Variants in GNA14 observed in about 807,000 individuals in gnomAD.
GNA14 encodes the protein G protein subunit alpha 14.
In GNA14, 50 loss-of-function variants were observed where a neutral mutation model predicts 42.0. The observed-to-expected ratio is 1.19, with a 90% CI of 0.95 to 1.51. The LOEUF (loss-of-function observed/expected upper bound fraction) is 1.51. GNA14 is among the 40% of genes most tolerant of loss of function. The pLI is 0.00. For missense variants in GNA14, 473 were observed against 446.2 expected, an observed-to-expected ratio of 1.06 and a Z score of -0.54; for synonymous variants, 173 against 163.1, an observed-to-expected ratio of 1.06 and a Z score of -0.46.
intron 2 of GNA14, among the ~76,000 whole-genome samples, chr9:77,501,414 A>C (rs1836968690): frequency 6.6e-6 from 1 of 152,126 alleles, no homozygotes; most frequent in Non-Finnish European, 1.5e-5. Flanking sequence ...ATAGAGTAAT[A>C]CCTCATTGTG....
intron 2 of GNA14, among the ~76,000 whole-genome samples, chr9:77,482,985 T>C (rs557473218): frequency 2.6e-5 from 4 of 152,318 alleles, no homozygotes; most frequent in African/African-American, 9.6e-5. Flanking sequence ...TTTAACTTCT[T>C]TGCCATTGGT....
intron 1 of GNA14, among the ~76,000 whole-genome samples, chr9:77,620,801 TCACA>T (rs1823908457): frequency 8.6e-6 from 1 of 116,300 alleles, no homozygotes. Flanking sequence ...TGAGCCAAGA[TCACA>T]CCACTGCACT....
chr9:77,625,943 A>G (rs1363498345), intron 1 of GNA14, among the ~76,000 whole-genome samples: 1 of 152,160 alleles, frequency 6.6e-6, no homozygotes, highest in African/African-American at 2.4e-5. Flanking sequence ...AGACTGACCA[A>G]TTGGATAAAG....
chr9:77,492,331 A>G (rs1358337823), intron 2 of GNA14, among the ~76,000 whole-genome samples: 1 of 151,492 alleles, frequency 6.6e-6, no homozygotes. Context: ...TATTTATAAA[A>G]ATAAATACAA....
chr9:77,472,922 C>T (rs537702678), intron 2 of GNA14, among the ~76,000 whole-genome samples: 10 of 152,170 alleles, frequency 6.6e-5, no homozygotes, highest in African/African-American at 2.4e-4. Flanking sequence ...CTTGGACTTC[C>T]CAGCCTCCAG....
Position 77,647,859 on chromosome 9 carries a change from G to A in GNA14, c.-66C>T. The A allele has an allele frequency of 1.9e-6, 3 of 1,549,296 alleles. No individual in the cohort carries two copies. Among genetic ancestry groups the A allele is most frequent in the Non-Finnish European group, 2.6e-6 (3 of 1,151,074 alleles). ...GGGCACCCGAATCCTCGGCCCGGCC[G>A]CTCACCCGGCCAGCATGCGACGGGC... On this transcript the variant is annotated 5_prime_UTR_variant, in exon 1 of 7. Transcript: ENST00000341700.
At chr9:77,646,825 C>T (rs1432585232) in intron 1 of GNA14, among the ~76,000 whole-genome samples, 1 of 152,212 alleles carries the variant, frequency 6.6e-6, no homozygotes, top group Non-Finnish European at 1.5e-5. Flanking sequence ...CATGGCATAA[C>T]TTGGGCAAAC....
chr9:77,548,992 T>C (rs1837758292), intron 1 of GNA14, among the ~76,000 whole-genome samples: 1 of 151,826 alleles, frequency 6.6e-6, no homozygotes, highest in Non-Finnish European at 1.5e-5. Flanking sequence ...CAGGCTGGAG[T>C]GCAATGGCAC....
intron 1 of GNA14, among the ~76,000 whole-genome samples, chr9:77,560,287 T>C (rs796174179): frequency 5.1e-4 from 41 of 80,142 alleles, no homozygotes; most frequent in African/African-American, 3.1e-3. Flanking sequence ...CTCTCCAGTC[T>C]TTTTTTTTTT....
intron 1 of GNA14, among the ~76,000 whole-genome samples, chr9:77,591,185 C>T (rs967255043): frequency 7.9e-5 from 12 of 152,182 alleles, no homozygotes; most frequent in Non-Finnish European, 1.5e-4. Context: ...TCATACCCTT[C>T]CTACAGCAGG....
intron 1 of GNA14, among the ~76,000 whole-genome samples, chr9:77,532,797 T>C (rs1837548342): frequency 6.6e-6 from 1 of 152,174 alleles, no homozygotes; most frequent in Admixed American, 6.5e-5. Context: ...ACAAAATGCA[T>C]GTGCTGGTGG....
intron 2 of GNA14, among the ~76,000 whole-genome samples, chr9:77,455,268 T>C (rs1189870168): frequency 6.6e-6 from 1 of 152,262 alleles, no homozygotes; most frequent in Non-Finnish European, 1.5e-5. Flanking sequence ...TCTCACAGCA[T>C]GGCAGTATCC....
chr9:77,646,833 A>T (rs1371567526), intron 1 of GNA14, among the ~76,000 whole-genome samples: 1 of 152,230 alleles, frequency 6.6e-6, no homozygotes, highest in Non-Finnish European at 1.5e-5. Flanking sequence ...AACTTGGGCA[A>T]ACCTTAAACT....
At chr9:77,614,339 T>C (rs961414382) in intron 1 of GNA14, among the ~76,000 whole-genome samples, 4 of 152,126 alleles carry the variant, frequency 2.6e-5, no homozygotes, top group Non-Finnish European at 5.9e-5. Flanking sequence ...TCCTTCCATC[T>C]CATTGTCTCT....
Position 77,492,320 on chromosome 9 carries a change from T to G in GNA14, c.309+36749A>C, listed in dbSNP as rs149602623. Among the ~76,000 whole-genome samples the G allele has an allele frequency of 3.6e-3, 547 of 151,448 alleles. 2 individuals carry two copies. Among genetic ancestry groups the G allele is most frequent in the African/African-American group, 0.012 (491 of 41,462 alleles). On this transcript the variant is annotated intron_variant, in intron 2 of 6. Transcript: ENST00000341700. Reference sequence around the variant, plus strand: ...AGATCAGAATATAAATAAATAAATTTTATTTATAAAAATAAATACAATTTA... The same window carrying G: ...AGATCAGAATATAAATAAATAAATTGTATTTATAAAAATAAATACAATTTA...
intron 1 of GNA14, among the ~76,000 whole-genome samples, chr9:77,586,419 G>C (rs1286807127): frequency 6.6e-6 from 1 of 152,126 alleles, no homozygotes; most frequent in African/African-American, 2.4e-5. Flanking sequence ...AGTCATTAGA[G>C]AAATGAAAAT....
At chr9:77,483,483 T>C (rs1449917752) in intron 2 of GNA14, among the ~76,000 whole-genome samples, 1 of 152,126 alleles carries the variant, frequency 6.6e-6, no homozygotes, top group Non-Finnish European at 1.5e-5. Context: ...CTGCCCGTAA[T>C]AGGGGGTGCC....
At position 77,479,121 on chromosome 9, in the gene GNA14, GCC is replaced by G. The variant is rs528088412; in HGVS notation, c.310-44601_310-44600del. 3.3e-3 allele frequency among the ~76,000 whole-genome samples: 498 copies of G among 152,212 alleles called. 2 individuals carry two copies. The highest frequency in any genetic ancestry group is 0.012 in the African/African-American group (487 of 41,538). On this transcript the variant is annotated intron_variant, in intron 2 of 6. Coordinates refer to ENST00000341700, the MANE Select transcript of GNA14 (RefSeq NM_004297.4). ...CCATGCCTATGTCCTGAATGGTACT[GCC>G]TAGGTTTTCTTCTAGGGTTTTTATG...
intron 1 of GNA14, among the ~76,000 whole-genome samples, chr9:77,538,243 T>A (rs188105442): frequency 1.1e-4 from 16 of 152,152 alleles, no homozygotes; most frequent in Admixed American, 4.6e-4. Flanking sequence ...GCTAATTTTT[T>A]AAAATTTTTT....
Sources: allele counts gnomAD v4.1 joint callset (sites outside exome capture counted in the v4.1 genomes callset), GRCh38; gene constraint gnomAD v4.1.1; transcripts MANE v1.5; gene names NCBI Gene and HGNC (gene_info 2026-07-23, HGNC 2026-07-21).